FILIP1: variants seen among roughly 807,000 people sequenced by gnomAD.
FILIP1 encodes the protein filamin A interacting protein 1, also known as filamin-A-interacting protein 1.
Under a neutral mutation model 102.1 loss-of-function variants are expected in FILIP1, and 61 were observed. The observed-to-expected ratio is 0.60, with a 90% CI of 0.49 to 0.74. The LOEUF (loss-of-function observed/expected upper bound fraction) is 0.74. Among genes scored for constraint, FILIP1 ranks in the 30% least tolerant of loss-of-function variants. The pLI is 0.00. For synonymous variants in FILIP1, 491 were observed against 526.9 expected (o/e 0.93, Z 0.93); for missense variants, 1,314 against 1,441.2 (o/e 0.91, Z 1.43).
At chr6:75,333,671 G>A (rs536967979) in intron 4 of FILIP1, among the ~76,000 whole-genome samples, 31 of 152,150 alleles carry the variant, frequency 2.0e-4, no homozygotes, top group African/African-American at 7.2e-4. Context: ...TCTATAAAAC[G>A]GGTCATGTGA....
intron 1 of FILIP1, among the ~76,000 whole-genome samples, chr6:75,444,750 C>T (rs1030321797): frequency 2.6e-5 from 4 of 152,152 alleles, no homozygotes; most frequent in African/African-American, 9.7e-5. Context: ...ACTTTAAAGG[C>T]TTCATTTTTA....
chr6:75,447,083 A>C (rs2149729627), intron 1 of FILIP1, among the ~76,000 whole-genome samples: 1 of 152,280 alleles, frequency 6.6e-6, no homozygotes, highest in East Asian at 1.9e-4. Context: ...TTTAGTCAAA[A>C]CCGAAAAAGA....
Position 75,314,268 on chromosome 6 carries a change from CTTGTT to C in FILIP1, c.1559_1563del (p.Lys520ArgfsTer10). On this transcript the variant is annotated frameshift_variant, in exon 5 of 6. Transcript: ENST00000237172. LOFTEE classifies it high-confidence loss of function. ...TTGAGTCCATCCACTTTTCTCTCTT[CTTGTT>C]TTATTTTTTCCATCATATTTTTCCT... is the stretch of plus-strand genomic sequence containing the variant. 1.3e-6 allele frequency: 2 copies of C among 1,550,174 alleles called. No individual in the cohort carries two copies. Among genetic ancestry groups the C allele is most frequent in the South Asian group, 1.3e-5 (1 of 79,586 alleles).
chr6:75,385,313 A>C (rs1562529461), intron 2 of FILIP1, among the ~76,000 whole-genome samples: 1 of 152,146 alleles, frequency 6.6e-6, no homozygotes, highest in South Asian at 2.1e-4. Context: ...TAAAACATGA[A>C]ATGAGCAATT....
chr6:75,313,058 A>G lies in FILIP1; in HGVS notation c.2774T>C (p.Leu925Ser), dbSNP rs1443851443. ...TPDHENSTATLEITSPTSEEF... is the reference protein window; with the variant it reads ...TPDHENSTATSEITSPTSEEF... ...TTCAGATGTCGGGCTTGTTATCTCC[A>G]AAGTCGCAGTGCTGTTCTCGTGGTC... is the stretch of plus-strand genomic sequence containing the variant. The change falls in exon 5 of 6, where the codon TTG (leucine) becomes TCG (serine). Residue 925 changes from leucine to serine, a missense_variant. This residue lies in a region of FILIP1 where 816 missense variants were observed against 913.1 expected (regional missense o/e 0.89). Transcript: ENST00000237172. The surrounding 1 kb of genome is among the most constrained non-coding windows in gnomAD (Gnocchi z 4.2). The G allele has an allele frequency of 6.2e-7, 1 of 1,614,218 alleles. No homozygotes were observed. Among genetic ancestry groups the G allele is most frequent in the Admixed American group, 1.7e-5 (1 of 60,032 alleles).
chr6:75,429,337 G>A (rs1285528069), intron 1 of FILIP1, among the ~76,000 whole-genome samples: 2 of 152,120 alleles, frequency 1.3e-5, no homozygotes, highest in African/African-American at 4.8e-5. Context: ...TCTGTGTGTA[G>A]GGTGGTCAAA....
At chr6:75,387,746 A>T (rs963281723) in intron 2 of FILIP1, among the ~76,000 whole-genome samples, 2 of 151,904 alleles carry the variant, frequency 1.3e-5, no homozygotes, top group African/African-American at 2.4e-5. Flanking sequence ...TTTCTTATAC[A>T]TTTGTTTAAG....
chr6:75,451,846 A>C (rs903245258), intron 1 of FILIP1, among the ~76,000 whole-genome samples: 1 of 152,160 alleles, frequency 6.6e-6, no homozygotes, highest in Non-Finnish European at 1.5e-5. Flanking sequence ...AAAAAATTTA[A>C]AAAAAAGAAA....
At chr6:75,441,510 G>C (rs1377198310) in intron 1 of FILIP1, among the ~76,000 whole-genome samples, 4 of 152,228 alleles carry the variant, frequency 2.6e-5, no homozygotes, top group Admixed American at 2.0e-4. Flanking sequence ...CCTCCCAGAC[G>C]GGGTGGTGGC....
intron 1 of FILIP1, among the ~76,000 whole-genome samples, chr6:75,478,239 G>A (rs1023582013): frequency 1.3e-5 from 2 of 152,164 alleles, no homozygotes; most frequent in African/African-American, 4.8e-5. Context: ...TCGGGGTAAT[G>A]TTTCAGGAGT....
intron 1 of FILIP1, among the ~76,000 whole-genome samples, chr6:75,421,497 C>T (rs1293173794): frequency 1.3e-5 from 2 of 152,086 alleles, no homozygotes; most frequent in South Asian, 4.1e-4. Context: ...AAGATTCAAC[C>T]GGATCCCTCA....
chr6:75,474,115 G>A (rs1027817716), intron 1 of FILIP1, among the ~76,000 whole-genome samples: 2 of 152,026 alleles, frequency 1.3e-5, no homozygotes, highest in Non-Finnish European at 2.9e-5. Flanking sequence ...ATCTCCAAAT[G>A]GAAATGGTTA....
intron 1 of FILIP1, among the ~76,000 whole-genome samples, chr6:75,433,694 T>C (rs936706162): frequency 3.3e-5 from 5 of 152,224 alleles, no homozygotes; most frequent in Middle Eastern, 3.2e-3. Context: ...TTAGTTTAAT[T>C]AGATACCATT....
intron 4 of FILIP1, among the ~76,000 whole-genome samples, chr6:75,326,529 A>G (rs1041657430): frequency 6.6e-6 from 1 of 152,216 alleles, no homozygotes; most frequent in African/African-American, 2.4e-5. Flanking sequence ...GCTTAAATAA[A>G]GCCCACCCCA....
At chr6:75,322,201 C>A (rs1773688495) in intron 4 of FILIP1, among the ~76,000 whole-genome samples, 1 of 152,144 alleles carries the variant, frequency 6.6e-6, no homozygotes. Context: ...ATGCCTATGG[C>A]ATATTACATC....
intron 2 of FILIP1, among the ~76,000 whole-genome samples, chr6:75,373,649 AT>A (rs1775651104): frequency 6.6e-6 from 1 of 151,404 alleles, no homozygotes; most frequent in Admixed American, 6.5e-5. Context: ...GCCTAAAAAA[AT>A]CAACTAAGAA....
chr6:75,425,716 C>T (rs1777604917), intron 1 of FILIP1, among the ~76,000 whole-genome samples: 1 of 152,142 alleles, frequency 6.6e-6, no homozygotes, highest in East Asian at 1.9e-4. Flanking sequence ...GTGTCCTCAT[C>T]TGTAAAATGA....
chr6:75,352,917 A>G (rs1774859331), intron 4 of FILIP1, among the ~76,000 whole-genome samples: 1 of 151,440 alleles, frequency 6.6e-6, no homozygotes, highest in African/African-American at 2.4e-5. Flanking sequence ...TGAAGCACCT[A>G]CATTTGAAAA....
intron 1 of FILIP1, among the ~76,000 whole-genome samples, chr6:75,433,113 T>G (rs1457008971): frequency 6.6e-6 from 1 of 152,220 alleles, no homozygotes; most frequent in Admixed American, 6.5e-5. Flanking sequence ...GTCTTTGCTA[T>G]TGTGAATAGT....
Sources: allele counts gnomAD v4.1 joint callset (sites outside exome capture counted in the v4.1 genomes callset), GRCh38; gene constraint gnomAD v4.1.1; regional missense constraint gnomAD v4.1.1; non-coding constraint Gnocchi (gnomAD v3.1); transcripts MANE v1.5; gene names NCBI Gene and HGNC (gene_info 2026-07-23, HGNC 2026-07-21).